The following DOCK4 variants were observed in gnomAD, a reference collection of about 807,000 sequenced individuals.
DOCK4 encodes the protein dedicator of cytokinesis 4, also known as dedicator of cytokinesis protein 4.
DOCK4 carries 97 observed loss-of-function variants against 268.1 expected under a neutral mutation model. That is an observed-to-expected ratio of 0.36 (90% CI 0.31 to 0.43). The LOEUF (loss-of-function observed/expected upper bound fraction) is 0.43, where lower values mean the gene tolerates loss of function less well. Ranked by LOEUF, DOCK4 falls within the 20% of genes least tolerant of loss-of-function variation. DOCK4 has a pLI of 1.00. For missense variants in DOCK4, 2,145 were observed against 2,455.7 expected, an observed-to-expected ratio of 0.87 and a Z score of 2.67; for synonymous variants, 954 against 887.2, an observed-to-expected ratio of 1.08 and a Z score of -1.34.
chr7:112,145,709 G>GCA (rs1426213183), intron 1 of DOCK4, among the ~76,000 whole-genome samples: 1 of 151,842 alleles, frequency 6.6e-6, no homozygotes. Context: ...AGACATACAT[G>GCA]CACATGAGGG....
intron 34 of DOCK4, 71 bp downstream of exon 34, chr7:111,783,786 G>A: frequency 1.5e-6 from 2 of 1,307,130 alleles, no homozygotes; most frequent in Non-Finnish European, 2.2e-6. Context: ...AACGTTGATT[G>A]TATTCTATTT....
intron 30 of DOCK4, among the ~76,000 whole-genome samples, chr7:111,794,012 G>C (rs756703765): frequency 6.6e-5 from 10 of 152,148 alleles, no homozygotes; most frequent in Admixed American, 1.3e-4. Context: ...GTCAGTGGTG[G>C]TGGCCAATTA....
At chr7:111,930,257 G>A (rs1794089883) in intron 12 of DOCK4, among the ~76,000 whole-genome samples, 1 of 152,144 alleles carries the variant, frequency 6.6e-6, no homozygotes, top group African/African-American at 2.4e-5. Flanking sequence ...TGGATTGCTT[G>A]CAATTTTCTC....
intron 30 of DOCK4, among the ~76,000 whole-genome samples, chr7:111,798,893 C>T (rs1048253547): frequency 6.6e-6 from 1 of 152,200 alleles, no homozygotes; most frequent in Admixed American, 6.5e-5. Flanking sequence ...ACTAATGACT[C>T]TCCTATAAAA....
chr7:111,841,689 T>C (rs1370593121), intron 25 of DOCK4, among the ~76,000 whole-genome samples: 1 of 152,110 alleles, frequency 6.6e-6, no homozygotes, highest in Non-Finnish European at 1.5e-5. Flanking sequence ...CAGCAAGGGG[T>C]ACCACAGAGC....
At chr7:111,862,321 T>C (rs1003717332) in intron 23 of DOCK4, among the ~76,000 whole-genome samples, 19 of 151,272 alleles carry the variant, frequency 1.3e-4, no homozygotes, top group Non-Finnish European at 2.5e-4. Flanking sequence ...AGCAAATAAG[T>C]GGTAATGTTA....
chr7:111,952,041 T>G (rs1796092874), intron 8 of DOCK4, among the ~76,000 whole-genome samples: 1 of 151,406 alleles, frequency 6.6e-6, no homozygotes, highest in Non-Finnish European at 1.5e-5. Context: ...GAGGATTACT[T>G]GAGCCTAGAG....
intron 1 of DOCK4, among the ~76,000 whole-genome samples, chr7:112,099,773 A>C (rs1036612025): frequency 6.6e-6 from 1 of 152,202 alleles, no homozygotes; most frequent in Non-Finnish European, 1.5e-5. Flanking sequence ...ATGACATAGA[A>C]GATAAAACTA....
intron 7 of DOCK4, among the ~76,000 whole-genome samples, chr7:111,978,811 C>T (rs1798393058): frequency 6.6e-6 from 1 of 152,226 alleles, no homozygotes; most frequent in Non-Finnish European, 1.5e-5. Flanking sequence ...GTTGGACCAA[C>T]AGTTCACGGT....
At chr7:112,035,745 T>TA (rs1803695332) in intron 1 of DOCK4, among the ~76,000 whole-genome samples, 1 of 151,964 alleles carries the variant, frequency 6.6e-6, no homozygotes, top group African/African-American at 2.4e-5. Context: ...GTGTTCATAT[T>TA]AAAAAACAAA....
intron 1 of DOCK4, among the ~76,000 whole-genome samples, chr7:112,062,024 G>C (rs1049635706): frequency 5.3e-5 from 8 of 152,152 alleles, no homozygotes. Context: ...GAGAAACTGA[G>C]GCTTACAGAG....
chr7:111,738,906 C>G (rs182685326), intron 49 of DOCK4, among the ~76,000 whole-genome samples: 219 of 151,660 alleles, frequency 1.4e-3, no homozygotes, highest in African/African-American at 5.0e-3. Context: ...CCACTGCACT[C>G]TAGCCTGGGT....
chr7:112,092,656 T>G (rs1809741447), intron 1 of DOCK4, among the ~76,000 whole-genome samples: 1 of 152,176 alleles, frequency 6.6e-6, no homozygotes, highest in Non-Finnish European at 1.5e-5. Flanking sequence ...GCTATTACAG[T>G]GCGAAACAGC....
intron 23 of DOCK4, among the ~76,000 whole-genome samples, chr7:111,853,345 C>T (rs780397080): frequency 6.6e-6 from 1 of 152,104 alleles, no homozygotes; most frequent in African/African-American, 2.4e-5. Context: ...TGCTGAGGGG[C>T]GGCCTCAGTA....
intron 8 of DOCK4, among the ~76,000 whole-genome samples, chr7:111,958,173 T>TA (rs1353984098): frequency 6.6e-6 from 1 of 152,174 alleles, no homozygotes; most frequent in Non-Finnish European, 1.5e-5. Context: ...CTAAGACTTG[T>TA]AAGCTTCCTC....
intron 1 of DOCK4, among the ~76,000 whole-genome samples, chr7:112,049,126 A>T (rs1563032368): frequency 6.6e-6 from 1 of 151,550 alleles, no homozygotes; most frequent in African/African-American, 2.4e-5. Flanking sequence ...ATGGGTAAAT[A>T]TTTTTTTTTG....
chr7:111,984,469 T>A (rs1281206343), intron 6 of DOCK4, 79 bp from the exon 7 acceptor site: 3 of 1,236,292 alleles, frequency 2.4e-6, no homozygotes, highest in Non-Finnish European at 3.4e-6. Flanking sequence ...TTTTACTATA[T>A]CACTTGGAAA....
chr7:112,105,516 G>A (rs1220403707), intron 1 of DOCK4, among the ~76,000 whole-genome samples: 5 of 150,108 alleles, frequency 3.3e-5, no homozygotes, highest in African/African-American at 9.8e-5. Context: ...GATAAACTAC[G>A]TTTCAAATGT....
intron 39 of DOCK4, 36 bp from the exon 40 acceptor site, chr7:111,760,358 T>C: frequency 6.3e-7 from 1 of 1,598,298 alleles, no homozygotes; most frequent in Non-Finnish European, 8.5e-7. Context: ...TAGGGCTATA[T>C]AACTGAGTGG....
Sources: gnomAD v4.1 joint callset for allele counts (sites outside exome capture counted in the v4.1 genomes callset) on GRCh38, gnomAD v4.1.1 for gene constraint, MANE v1.5 for transcripts, NCBI Gene and HGNC (gene_info 2026-07-23, HGNC 2026-07-21) for gene names.